CCSER1: variants seen among roughly 807,000 people sequenced by gnomAD.
The protein encoded by CCSER1 is coiled-coil serine rich protein 1.
In CCSER1, 41 loss-of-function variants were observed where a neutral mutation model predicts 82.0. The observed-to-expected ratio is 0.50, with a 90% CI of 0.39 to 0.65. CCSER1 has a LOEUF of 0.65. Ranked by LOEUF, CCSER1 falls within the 30% of genes least tolerant of loss-of-function variation. The pLI, the probability that CCSER1 is intolerant of heterozygous loss-of-function variation, is 0.00. For missense variants in CCSER1, 1,119 were observed against 1,064.2 expected, an observed-to-expected ratio of 1.05 and a Z score of -0.72; for synonymous variants, 414 against 383.9, an observed-to-expected ratio of 1.08 and a Z score of -0.92.
intron 7 of CCSER1, among the ~76,000 whole-genome samples, chr4:90,810,100 G>A (rs775945472): frequency 4.6e-5 from 7 of 152,060 alleles, no homozygotes; most frequent in Non-Finnish European, 7.4e-5. Context: ...TTTGGTAATT[G>A]TATTGGAAAA....
chr4:90,895,290 ATTAG>A (rs1367537553), intron 8 of CCSER1, among the ~76,000 whole-genome samples: 2 of 151,920 alleles, frequency 1.3e-5, no homozygotes. Context: ...CTTGGAGAAA[ATTAG>A]TTAATAATAT....
chr4:91,324,298 G>A (rs1442039269), intron 10 of CCSER1, among the ~76,000 whole-genome samples: 2 of 151,880 alleles, frequency 1.3e-5, no homozygotes, highest in African/African-American at 4.8e-5. Context: ...AGTCTTTCGG[G>A]TCTATTTTAT....
intron 3 of CCSER1, among the ~76,000 whole-genome samples, chr4:90,359,167 A>G (rs564938755): frequency 3.5e-4 from 54 of 152,252 alleles, no homozygotes; most frequent in African/African-American, 9.6e-4. Flanking sequence ...ATAAGTTTTG[A>G]ATAGGAACAA....
intron 3 of CCSER1, among the ~76,000 whole-genome samples, chr4:90,349,758 T>C (rs1054469129): frequency 6.6e-6 from 1 of 152,140 alleles, no homozygotes; most frequent in Admixed American, 6.5e-5. Context: ...CAACAGTAAC[T>C]AATTTTCATT....
chr4:90,780,909 C>T (rs953646529), intron 7 of CCSER1: 2 of 553,454 alleles, frequency 3.6e-6, no homozygotes, highest in Non-Finnish European at 4.6e-6. Context: ...GTATAATTGG[C>T]CCACAGTTCT....
At chr4:91,509,355 C>T (rs1421361065) in intron 10 of CCSER1, among the ~76,000 whole-genome samples, 1 of 151,998 alleles carries the variant, frequency 6.6e-6, no homozygotes, top group Non-Finnish European at 1.5e-5. Context: ...TTATTTATAA[C>T]TGTGTTATTT....
intron 1 of CCSER1, among the ~76,000 whole-genome samples, chr4:90,137,107 A>G (rs1723835988): frequency 6.6e-6 from 1 of 152,200 alleles, no homozygotes; most frequent in Admixed American, 6.5e-5. Context: ...TAAATGACCT[A>G]GGAATATTAA....
At chr4:90,468,811 A>C (rs1225745982) in intron 5 of CCSER1, among the ~76,000 whole-genome samples, 3 of 152,102 alleles carry the variant, frequency 2.0e-5, no homozygotes, top group East Asian at 1.9e-4. Context: ...ATACTATTTT[A>C]GTGTTTTCAT....
intron 7 of CCSER1, among the ~76,000 whole-genome samples, chr4:90,811,667 T>A (rs1179019256): frequency 1.3e-5 from 2 of 152,232 alleles, no homozygotes; most frequent in African/African-American, 4.8e-5. Flanking sequence ...GGCTTCCTGA[T>A]TATTAATTTA....
chr4:90,414,998 A>G (rs956015075), intron 4 of CCSER1, among the ~76,000 whole-genome samples: 3 of 152,030 alleles, frequency 2.0e-5, no homozygotes, highest in African/African-American at 7.2e-5. Flanking sequence ...CCAGGATATG[A>G]AAAAAAATAA....
At chr4:90,205,857 T>C (rs1440785320) in intron 1 of CCSER1, among the ~76,000 whole-genome samples, 3 of 152,200 alleles carry the variant, frequency 2.0e-5, no homozygotes, top group Non-Finnish European at 4.4e-5. Context: ...GGCTATTAAT[T>C]ACTGCCTCAA....
intron 1 of CCSER1, among the ~76,000 whole-genome samples, chr4:90,206,202 T>G (rs34025251): frequency 0.56 from 85,717 of 151,802 alleles, 24,850 homozygotes; most frequent in African/African-American, 0.69. Flanking sequence ...TCTCCTTCAG[T>G]TCTGCTCTGA....
intron 9 of CCSER1, among the ~76,000 whole-genome samples, chr4:91,083,003 C>A (rs911279729): frequency 1.3e-5 from 2 of 152,132 alleles, no homozygotes; most frequent in Non-Finnish European, 2.9e-5. Context: ...GACAGTGTGG[C>A]GATTCCTCAA....
intron 8 of CCSER1, among the ~76,000 whole-genome samples, chr4:90,842,620 G>A (rs568208932): frequency 1.7e-4 from 26 of 152,308 alleles, no homozygotes; most frequent in African/African-American, 5.8e-4. Context: ...TCTGATCATT[G>A]AAGAGAACCA....
chr4:90,364,864 T>C (rs1347492779), intron 3 of CCSER1, among the ~76,000 whole-genome samples: 1 of 151,828 alleles, frequency 6.6e-6, no homozygotes, highest in Non-Finnish European at 1.5e-5. Context: ...TTTGAAAATA[T>C]GAAACAAAAA....
chr4:90,791,054 A>G (rs1305861207), intron 7 of CCSER1, among the ~76,000 whole-genome samples: 1 of 152,198 alleles, frequency 6.6e-6, no homozygotes, highest in Non-Finnish European at 1.5e-5. Context: ...TGGGGGGCTT[A>G]GGGAACTTAC....
intron 9 of CCSER1, among the ~76,000 whole-genome samples, chr4:90,950,699 G>A: frequency 6.6e-6 from 1 of 152,060 alleles, no homozygotes; most frequent in Non-Finnish European, 1.5e-5. Flanking sequence ...AAACAGCAGG[G>A]TTTCAGCCTG....
At chr4:90,985,924 T>C (rs1314950063) in intron 9 of CCSER1, among the ~76,000 whole-genome samples, 1 of 151,756 alleles carries the variant, frequency 6.6e-6, no homozygotes, top group African/African-American at 2.4e-5. Flanking sequence ...GTAGGATTTG[T>C]TTTTTATTCA....
At chr4:90,651,146 A>T (rs1455531028) in intron 6 of CCSER1, among the ~76,000 whole-genome samples, 1 of 152,196 alleles carries the variant, frequency 6.6e-6, no homozygotes, top group Non-Finnish European at 1.5e-5. Flanking sequence ...CTATTTCATC[A>T]TGTTATTTTC....
Sources: gnomAD v4.1 joint callset for allele counts (sites outside exome capture counted in the v4.1 genomes callset) on GRCh38, gnomAD v4.1.1 for gene constraint, MANE v1.5 for transcripts, NCBI Gene and HGNC (gene_info 2026-07-23, HGNC 2026-07-21) for gene names.